Variants in ACACA observed in about 807,000 individuals in gnomAD.
The protein encoded by ACACA is acetyl-CoA carboxylase alpha.
A neutral mutation model predicts 296.1 loss-of-function variants in ACACA; 103 were observed. That is an observed-to-expected ratio of 0.35 (90% confidence interval 0.30 to 0.41). The LOEUF (loss-of-function observed/expected upper bound fraction) is 0.41, where lower values mean the gene tolerates loss of function less well. Ranked by LOEUF, ACACA falls within the 10% of genes least tolerant of loss-of-function variation. ACACA has a pLI of 1.00. For synonymous variants in ACACA, 953 were observed against 1,038.6 expected (o/e 0.92, Z 1.58); for missense variants, 1,554 against 2,989.7 (o/e 0.52, Z 11.20).
At chr17:37,384,040 C>G (rs2050420717) in intron 1 of ACACA, among the ~76,000 whole-genome samples, 1 of 152,108 alleles carries the variant, frequency 6.6e-6, no homozygotes, top group South Asian at 2.1e-4. Context: ...CCGAGGCGGG[C>G]AGAACATGAG....
chr17:37,252,622 T>C (rs911004025), intron 15 of ACACA, among the ~76,000 whole-genome samples: 18 of 152,148 alleles, frequency 1.2e-4, no homozygotes, highest in African/African-American at 1.7e-4. Flanking sequence ...AGGTTTAACA[T>C]TAAATGAAGA....
At chr17:37,184,492 T>C (rs1340128950) in intron 39 of ACACA, among the ~76,000 whole-genome samples, 10 of 152,206 alleles carry the variant, frequency 6.6e-5, no homozygotes. Flanking sequence ...TTAGTCACCT[T>C]ACCTGCCAAA....
At position 37,215,656 on chromosome 17, in the gene ACACA, G is replaced by A. The variant is rs139959304; in HGVS notation, c.3684-5166C>T. On this transcript the variant is annotated intron_variant, in intron 29 of 55. Coordinates refer to ENST00000616317, the MANE Select transcript of ACACA (RefSeq NM_198834.3). ...CTTAGTGAAATCCTGAAGGTCAAATGAGTCAATGAATTGTGCAAAATACAG... is the reference window on the plus strand; with the variant it reads ...CTTAGTGAAATCCTGAAGGTCAAATAAGTCAATGAATTGTGCAAAATACAG... 3.0e-4 allele frequency among the ~76,000 whole-genome samples: 45 copies of A among 152,156 alleles called. 1 individual carries two copies. In the East Asian group the frequency reaches 8.7e-3, roughly 29 times the overall value.
chr17:37,217,756 A>AC (rs1555601600), intron 29 of ACACA, among the ~76,000 whole-genome samples: 2,286 of 130,438 alleles, frequency 0.018, 109 homozygotes, highest in African/African-American at 0.052. Flanking sequence ...AAAAAAAAAA[A>AC]AAAAAAAACA....
chr17:37,370,164 C>T (rs1020476003), intron 1 of ACACA, among the ~76,000 whole-genome samples: 20 of 151,642 alleles, frequency 1.3e-4, no homozygotes, highest in Non-Finnish European at 2.2e-4. Flanking sequence ...AGCCACCATG[C>T]CCATCTAATT....
intron 3 of ACACA, among the ~76,000 whole-genome samples, chr17:37,290,437 C>A (rs2082992268): frequency 6.6e-6 from 1 of 152,186 alleles, no homozygotes; most frequent in Non-Finnish European, 1.5e-5. Flanking sequence ...CGCTATGGGA[C>A]AGACACTATG....
intron 14 of ACACA, among the ~76,000 whole-genome samples, chr17:37,255,769 G>A (rs1289764739): frequency 6.6e-6 from 1 of 152,028 alleles, no homozygotes; most frequent in Non-Finnish European, 1.5e-5. Flanking sequence ...TTTTTGAGAC[G>A]GAGTTTTGCT....
chr17:37,131,435 C>A (rs2075091602), intron 45 of ACACA, among the ~76,000 whole-genome samples: 1 of 152,120 alleles, frequency 6.6e-6, no homozygotes, highest in South Asian at 2.1e-4. Flanking sequence ...TCTAAGGTAG[C>A]CCCGGAGAGC....
intron 50 of ACACA, among the ~76,000 whole-genome samples, chr17:37,117,112 C>T (rs529962616): frequency 1.3e-5 from 2 of 152,188 alleles, no homozygotes; most frequent in Non-Finnish European, 2.9e-5. Context: ...ATGGATAAAC[C>T]GTGGCAGCCA....
Position 37,263,593 on chromosome 17 carries a change from C to T in ACACA, c.1329+92G>A, listed in dbSNP as rs2081612869. Reference sequence around the variant, plus strand: ...TTTTATTAATTATTCAGAATCGTTGCTTAAAATGCCATTGTTCTCAGATTG... The same window carrying T: ...TTTTATTAATTATTCAGAATCGTTGTTTAAAATGCCATTGTTCTCAGATTG... On this transcript the variant is annotated intron_variant, in intron 11 of 55. Transcript: ENST00000616317. The T allele has an allele frequency of 1.2e-5, 13 of 1,125,514 alleles. No homozygotes were observed. The South Asian group carries it at 1.7e-4, about 15-fold the overall frequency. The allele number at this position is 1,125,514 out of a possible 1,614,324, so 69.7% of individuals were successfully genotyped here.
chr17:37,391,494 C>CT (rs1465861882), intron 1 of ACACA, among the ~76,000 whole-genome samples: 3 of 152,180 alleles, frequency 2.0e-5, no homozygotes, highest in Non-Finnish European at 4.4e-5. Flanking sequence ...CTTGATCATA[C>CT]TTTCTCAGTG....
intron 23 of ACACA, among the ~76,000 whole-genome samples, chr17:37,240,844 A>G (rs1053988078): frequency 5.3e-5 from 8 of 152,144 alleles, no homozygotes; most frequent in Admixed American, 1.3e-4. Flanking sequence ...AATTATTACC[A>G]TACTCTTGAA....
intron 3 of ACACA, among the ~76,000 whole-genome samples, chr17:37,294,605 T>C (rs1167811355): frequency 3.9e-5 from 6 of 152,230 alleles, no homozygotes; most frequent in Admixed American, 2.6e-4. Flanking sequence ...ATTTCAGATA[T>C]AGCAGTTTCC....
Position 37,390,330 on chromosome 17 carries a change from A to ATACATATATATATATATATC in ACACA, c.38+15931_38+15932insGATATATATATATATATGTA, listed in dbSNP as rs2050815584. ...TATATATATATATATATATATATAT[A>ATACATATATATATATATATC]TATAAAAGGCCAGCTGGGCCGGGCA... On this transcript the variant is annotated intron_variant, in intron 1 of 55. Coordinates refer to ENST00000616317, the MANE Select transcript of ACACA (RefSeq NM_198834.3). Among the ~76,000 whole-genome samples, 223 of 41,568 alleles carry ATACATATATATATATATATC rather than the reference A, an allele frequency of 5.4e-3. 6 individuals are homozygous for ATACATATATATATATATATC. The highest frequency in any genetic ancestry group is 6.7e-3 in the Non-Finnish European group (180 of 26,750). The allele number at this position is 41,568 out of a possible 152,430, so 27.3% of individuals were successfully genotyped here.
chr17:37,274,728 G>T (rs2082204344), intron 8 of ACACA: 1 of 939,100 alleles, frequency 1.1e-6, no homozygotes, highest in South Asian at 4.9e-5. Context: ...GGCCTCAGCA[G>T]AGTCATGATT....
chr17:37,109,274 C>T (rs1230005667), intron 52 of ACACA, among the ~76,000 whole-genome samples: 1 of 152,144 alleles, frequency 6.6e-6, no homozygotes, highest in Non-Finnish European at 1.5e-5. Flanking sequence ...GGGACTGAGC[C>T]ACAGAGAATA....
intron 52 of ACACA, among the ~76,000 whole-genome samples, chr17:37,110,809 C>G (rs566216392): frequency 6.6e-6 from 1 of 152,166 alleles, no homozygotes; most frequent in Admixed American, 6.5e-5. Flanking sequence ...AAAAGAACCT[C>G]GAGCAATTAT....
chr17:37,363,286 G>A (rs1232787883), intron 1 of ACACA, among the ~76,000 whole-genome samples: 4 of 142,756 alleles, frequency 2.8e-5, no homozygotes, highest in Non-Finnish European at 6.0e-5. Context: ...GGGTTCAAGC[G>A]ATTCTTCTGC....
Position 37,257,901 on chromosome 17 carries a change from G to A in ACACA, c.1663-35C>T, listed in dbSNP as rs574894373. On this transcript the variant is annotated intron_variant, in intron 13 of 55. Coordinates refer to ENST00000616317, the MANE Select transcript of ACACA (RefSeq NM_198834.3). Reference sequence around the variant, plus strand: ...AATAAAGAATGAGAGACCATATTATGTTTCGAAGGAAGAGAAGATTTATAT... The same window carrying A: ...AATAAAGAATGAGAGACCATATTATATTTCGAAGGAAGAGAAGATTTATAT... The A allele has an allele frequency of 2.5e-6, 4 of 1,608,746 alleles. No homozygotes were observed. The East Asian group carries it at 8.9e-5, about 36-fold the overall frequency.
Sources: allele counts gnomAD v4.1 joint callset (sites outside exome capture counted in the v4.1 genomes callset), GRCh38; gene constraint gnomAD v4.1.1; transcripts MANE v1.5; gene names NCBI Gene and HGNC (gene_info 2026-07-23, HGNC 2026-07-21).